FAM124A: variants seen among roughly 807,000 people sequenced by gnomAD.
The protein encoded by FAM124A is protein FAM124A.
A neutral mutation model predicts 24.5 loss-of-function variants in FAM124A; 23 were observed. The observed-to-expected ratio is 0.94, with a 90% CI of 0.68 to 1.33. The LOEUF (loss-of-function observed/expected upper bound fraction) is 1.33, where lower values mean the gene tolerates loss of function less well. Among genes scored for constraint, FAM124A ranks in the 40% most tolerant of loss-of-function variants. The probability of loss-of-function intolerance (pLI) is 0.00; values close to 1 mark genes in which losing one functional copy is unlikely to be tolerated. For missense variants in FAM124A, 623 were observed against 722.8 expected, an observed-to-expected ratio of 0.86 and a Z score of 1.58; for synonymous variants, 287 against 314.7, an observed-to-expected ratio of 0.91 and a Z score of 0.93.
chr13:51,251,700 C>A lies in FAM124A; in HGVS notation c.333C>A (p.Tyr111Ter), dbSNP rs1330976539. The change falls in exon 3 of 4, where the codon TAC becomes TAA. Residue 111 changes from tyrosine (Y) to a stop codon, truncating the protein, a stop_gained. Transcript: ENST00000322475. LOFTEE classifies it high-confidence loss of function. The surrounding 1 kb of genome is among the most constrained non-coding windows in gnomAD (Gnocchi z 5.3). ...LAVVLFLQEE[Y>*]GEEQILQLHR... ...TGGTGCTGTTCCTGCAGGAGGAGTA[C>A]GGCGAAGAGCAGATCCTGCAGCTGC... is the stretch of plus-strand genomic sequence containing the variant. 6.3e-7 allele frequency: 1 copy of A among 1,587,082 alleles called. No homozygotes were observed. The highest frequency in any genetic ancestry group is 1.8e-5 in the Admixed American group (1 of 56,312).
chr13:51,277,916 CTG>C (rs1332017530), intron 3 of FAM124A, among the ~76,000 whole-genome samples: 1 of 152,222 alleles, frequency 6.6e-6, no homozygotes, highest in Admixed American at 6.5e-5. Context: ...CAGTTGCAAA[CTG>C]TACTCAAAGG....
chr13:51,231,671 A>G (rs1192906525), intron 2 of FAM124A, among the ~76,000 whole-genome samples: 1 of 152,188 alleles, frequency 6.6e-6, no homozygotes, highest in Non-Finnish European at 1.5e-5. Context: ...TTGAACAAAC[A>G]TCTATCAGAT....
At position 51,224,538 on chromosome 13, in the gene FAM124A, C is replaced by T. The variant is rs1954297826; in HGVS notation, c.68+1969C>T. Among the ~76,000 whole-genome samples the T allele has an allele frequency of 2.6e-5, 4 of 152,140 alleles. No individual in the cohort carries two copies. In the South Asian group the frequency reaches 8.3e-4, roughly 32 times the overall value. On this transcript the variant is annotated intron_variant, in intron 1 of 3. Transcript: ENST00000322475. ...GCTAAAGGTAAAATAGCATGCATTT[C>T]AATGTATGCTAATTAGTTTTGTGTT...
intron 2 of FAM124A, among the ~76,000 whole-genome samples, chr13:51,244,805 C>T (rs4942984): frequency 0.82 from 124,876 of 152,140 alleles, 51,667 homozygotes; most frequent in South Asian, 0.9. Context: ...CCTCTTCTTC[C>T]GAAGACTCCA....
At chr13:51,268,203 GT>G (rs1239375593) in intron 3 of FAM124A, among the ~76,000 whole-genome samples, 7 of 152,190 alleles carry the variant, frequency 4.6e-5, no homozygotes, top group African/African-American at 1.2e-4. Flanking sequence ...CATGAGTTGG[GT>G]TTCTGTCCTT....
rs564921731 is a variant in FAM124A at position 51,243,723 on chromosome 13, A to G, written c.101-7745A>G. 3.2e-4 allele frequency among the ~76,000 whole-genome samples: 48 copies of G among 152,074 alleles called. No homozygotes were observed. The East Asian group carries it at 9.3e-3, about 29-fold the overall frequency. ...TAATTTTTTTGTATTTTTAGTAGAG[A>G]CGGGGTTTCACCATGTTGCCCAGGC... On this transcript the variant is annotated intron_variant, in intron 2 of 3. Coordinates refer to ENST00000322475, the MANE Select transcript of FAM124A (RefSeq NM_001242312.2).
chr13:51,262,709 G>C (rs1465638705), intron 3 of FAM124A, among the ~76,000 whole-genome samples: 1 of 152,084 alleles, frequency 6.6e-6, no homozygotes, highest in African/African-American at 2.4e-5. Flanking sequence ...GAGCCTCTGG[G>C]TCCCCTGGGA....
chr13:51,223,812 G>A (rs928065290), intron 1 of FAM124A, among the ~76,000 whole-genome samples: 1 of 143,368 alleles, frequency 7.0e-6, no homozygotes, highest in South Asian at 2.3e-4. Flanking sequence ...TGTGTAAGTG[G>A]CATTTATCAA....
In FAM124A at chr13:51,235,758, C is replaced by T. The variant is rs527238429; in HGVS notation, c.100+4379C>T. ...GGAATGCCTTGTAGACAGCAGAAAGCACAAATGCTAAAAGATTGGGTGAAG... is the reference window on the plus strand; with the variant it reads ...GGAATGCCTTGTAGACAGCAGAAAGTACAAATGCTAAAAGATTGGGTGAAG... On this transcript the variant is annotated intron_variant, in intron 2 of 3. Coordinates refer to ENST00000322475, the MANE Select transcript of FAM124A (RefSeq NM_001242312.2). 5.3e-5 allele frequency among the ~76,000 whole-genome samples: 8 copies of T among 152,310 alleles called. No individual in the cohort carries two copies. In the South Asian group the frequency reaches 1.5e-3, roughly 28 times the overall value.
intron 2 of FAM124A, among the ~76,000 whole-genome samples, chr13:51,237,033 GA>G (rs1257763985): frequency 1.3e-5 from 2 of 152,180 alleles, no homozygotes; most frequent in Non-Finnish European, 2.9e-5. Context: ...ACAGGTTTGT[GA>G]AAAGACTCAA....
At chr13:51,280,396 A>G (rs1185494898) in intron 3 of FAM124A, 54 bp from the exon 4 acceptor site, 15 of 1,446,332 alleles carry the variant, frequency 1.0e-5, no homozygotes, top group Non-Finnish European at 1.4e-5. Flanking sequence ...GTGTTTCCTG[A>G]TGCATTTAAC....
intron 2 of FAM124A, among the ~76,000 whole-genome samples, chr13:51,244,289 T>G (rs1954532905): frequency 6.6e-6 from 1 of 152,218 alleles, no homozygotes; most frequent in Non-Finnish European, 1.5e-5. Context: ...GCTACCCGGC[T>G]TACATCTTAT....
chr13:51,247,175 C>A (rs915327345), intron 2 of FAM124A, among the ~76,000 whole-genome samples: 1 of 152,072 alleles, frequency 6.6e-6, no homozygotes, highest in Non-Finnish European at 1.5e-5. Context: ...GTGGGAGAGC[C>A]GTGCAGAGGG....
At position 51,258,344 on chromosome 13, in the gene FAM124A, A is replaced by G. The variant is rs1413413242; in HGVS notation, c.834+6143A>G. 6.6e-6 allele frequency among the ~76,000 whole-genome samples: 1 copy of G among 152,246 alleles called. No homozygotes were observed. Among genetic ancestry groups the G allele is most frequent in the African/African-American group, 2.4e-5 (1 of 41,468 alleles). ...ATTTTGAGGGGACACAGTTCAACCC[A>G]TAACAACTATCTTGTATATTTATCT... On this transcript the variant is annotated intron_variant, in intron 3 of 3. Transcript: ENST00000322475. The surrounding 1 kb of genome is among the most constrained non-coding windows in gnomAD (Gnocchi z 4.2).
chr13:51,233,389 T>C (rs75130264), intron 2 of FAM124A, among the ~76,000 whole-genome samples: 1,672 of 152,332 alleles, frequency 0.011, 26 homozygotes, highest in African/African-American at 0.032. Flanking sequence ...AGGAATTTTC[T>C]CAGAGACTCT....
intron 2 of FAM124A, among the ~76,000 whole-genome samples, chr13:51,232,392 A>G (rs1466499662): frequency 6.6e-6 from 1 of 152,200 alleles, no homozygotes; most frequent in African/African-American, 2.4e-5. Context: ...GCCCTATCTC[A>G]CTAGCCTGTT....
At chr13:51,277,552 T>C (rs1954896093) in intron 3 of FAM124A, among the ~76,000 whole-genome samples, 1 of 152,202 alleles carries the variant, frequency 6.6e-6, no homozygotes, top group African/African-American at 2.4e-5. Flanking sequence ...CCCAGCACTT[T>C]GGGAGGCCGA....
At chr13:51,269,625 A>T (rs973422888) in intron 3 of FAM124A, among the ~76,000 whole-genome samples, 11 of 152,248 alleles carry the variant, frequency 7.2e-5, no homozygotes, top group African/African-American at 2.4e-4. Context: ...AAATGTATAA[A>T]TGAAGTTTAA....
At chr13:51,259,828 C>T (rs1197763554) in intron 3 of FAM124A, among the ~76,000 whole-genome samples, 1 of 152,128 alleles carries the variant, frequency 6.6e-6, no homozygotes, top group Admixed American at 6.5e-5. Context: ...CACCCTCGCA[C>T]CTCTAACAGT....
Sources: allele counts gnomAD v4.1 joint callset (sites outside exome capture counted in the v4.1 genomes callset), GRCh38; gene constraint gnomAD v4.1.1; non-coding constraint Gnocchi (gnomAD v3.1); transcripts MANE v1.5; gene names NCBI Gene and HGNC (gene_info 2026-07-23, HGNC 2026-07-21).